Variants in PIK3C2G observed in about 807,000 individuals in gnomAD.
PIK3C2G encodes the protein phosphatidylinositol-4-phosphate 3-kinase catalytic subunit type 2 gamma.
Under a neutral mutation model 181.1 loss-of-function variants are expected in PIK3C2G, and 168 were observed. The observed-to-expected ratio is 0.93, with a 90% CI of 0.82 to 1.05. PIK3C2G has a LOEUF of 1.05. PIK3C2G is among the 50% of genes least tolerant of loss of function. PIK3C2G has a pLI of 0.00. For missense variants in PIK3C2G, 1,869 were observed against 1,732.8 expected, an observed-to-expected ratio of 1.08 and a Z score of -1.40; for synonymous variants, 573 against 592.2, an observed-to-expected ratio of 0.97 and a Z score of 0.47.
At chr12:18,440,405 C>T (rs1028775089) in intron 18 of PIK3C2G, among the ~76,000 whole-genome samples, 1 of 152,012 alleles carries the variant, frequency 6.6e-6, no homozygotes, top group African/African-American at 2.4e-5. Flanking sequence ...ACTTGTAAGG[C>T]ATTGATAAGT....
At chr12:18,295,334 C>T (rs1430073699) in intron 5 of PIK3C2G, among the ~76,000 whole-genome samples, 1 of 151,882 alleles carries the variant, frequency 6.6e-6, no homozygotes, top group Non-Finnish European at 1.5e-5. Flanking sequence ...ATATTGAATA[C>T]TCATTTAAAC....
intron 8 of PIK3C2G, among the ~76,000 whole-genome samples, chr12:18,330,989 T>C (rs1356818872): frequency 3.3e-5 from 5 of 152,224 alleles, no homozygotes; most frequent in Non-Finnish European, 5.9e-5. Context: ...GAAGTTTGCA[T>C]ACTATATTTT....
At chr12:18,500,843 C>A (rs1320757790) in intron 22 of PIK3C2G, among the ~76,000 whole-genome samples, 3 of 152,150 alleles carry the variant, frequency 2.0e-5, no homozygotes, top group African/African-American at 7.2e-5. Flanking sequence ...GCTGCTCACT[C>A]TTTGGGTCCA....
intron 24 of PIK3C2G, among the ~76,000 whole-genome samples, chr12:18,510,006 T>A (rs1278478834): frequency 1.3e-5 from 2 of 152,140 alleles, no homozygotes; most frequent in East Asian, 3.9e-4. Flanking sequence ...TCTCACTCTG[T>A]CACCAAGGCT....
At chr12:18,423,914 A>G (rs1168589073) in intron 17 of PIK3C2G, 31 bp from the exon 18 acceptor site, 1 of 1,385,638 alleles carries the variant, frequency 7.2e-7, no homozygotes, top group Admixed American at 1.8e-5. Flanking sequence ...TTTGTTACTG[A>G]GAAGTAAAGT....
intron 29 of PIK3C2G, among the ~76,000 whole-genome samples, chr12:18,581,030 C>T (rs1027486551): frequency 1.3e-5 from 2 of 152,172 alleles, no homozygotes; most frequent in Admixed American, 1.3e-4. Context: ...TACTTTAACT[C>T]TGTAGTCTTT....
chr12:18,420,062 A>G (rs1027977258), intron 16 of PIK3C2G, among the ~76,000 whole-genome samples: 2 of 152,190 alleles, frequency 1.3e-5, no homozygotes, highest in African/African-American at 4.8e-5. Context: ...ATAAATTACT[A>G]TAAGCAGTTC....
chr12:18,719,427 A>G, the PIK3C2G span: 1 of 1,434,380 alleles, frequency 7.0e-7, no homozygotes, highest in African/African-American at 1.5e-5. Flanking sequence ...AATAAAATAA[A>G]TACCTTACAT....
intron 24 of PIK3C2G, among the ~76,000 whole-genome samples, chr12:18,506,089 A>G (rs554138006): frequency 1.6e-4 from 24 of 152,344 alleles, no homozygotes; most frequent in African/African-American, 5.8e-4. Flanking sequence ...ACTATTTTAA[A>G]GAGGCATCTC....
At chr12:18,512,474 T>G (rs1942272670) in intron 24 of PIK3C2G, among the ~76,000 whole-genome samples, 1 of 152,030 alleles carries the variant, frequency 6.6e-6, no homozygotes, top group South Asian at 2.1e-4. Context: ...TTTTTCAGTT[T>G]CTTTCATCCG....
chr12:18,602,383 C>A (rs1166493881), intron 30 of PIK3C2G, among the ~76,000 whole-genome samples: 1 of 151,648 alleles, frequency 6.6e-6, no homozygotes, highest in East Asian at 1.9e-4. Context: ...AAGACCAGCC[C>A]AAGGAGAGTC....
At chr12:18,639,136 A>G (rs1391172705) in intron 31 of PIK3C2G, among the ~76,000 whole-genome samples, 1 of 152,018 alleles carries the variant, frequency 6.6e-6, no homozygotes, top group Non-Finnish European at 1.5e-5. Flanking sequence ...ATATTGACAA[A>G]TGAGGGTGTC....
intron 12 of PIK3C2G, among the ~76,000 whole-genome samples, chr12:18,369,418 T>C (rs1324237463): frequency 2.0e-5 from 3 of 152,080 alleles, no homozygotes; most frequent in Non-Finnish European, 2.9e-5. Context: ...CATATAATGA[T>C]CATATAATTG....
Position 18,294,001 on chromosome 12 carries a change from AG to A in PIK3C2G, c.1021del (p.Glu341AsnfsTer49). ...DHILSVCGSE[E>X]FLQNDHCLGS... ...ATATTCTAAGTGTATGTGGCTCTGAAGAATTTTTACAAAAGTAAGTATTTTA... is the reference window on the plus strand; with the variant it reads ...ATATTCTAAGTGTATGTGGCTCTGAAAATTTTTACAAAAGTAAGTATTTTA... On this transcript the variant is annotated frameshift_variant, in exon 5 of 33. Transcript: ENST00000538779. LOFTEE classifies it high-confidence loss of function. 2 of 1,539,382 alleles carry A rather than the reference AG, an allele frequency of 1.3e-6. No homozygotes were observed. Among genetic ancestry groups the A allele is most frequent in the South Asian group, 2.3e-5 (2 of 87,574 alleles).
At chr12:18,459,392 C>T (rs1265345365) in intron 18 of PIK3C2G, among the ~76,000 whole-genome samples, 1 of 152,150 alleles carries the variant, frequency 6.6e-6, no homozygotes, top group African/African-American at 2.4e-5. Flanking sequence ...AGTTAATAAA[C>T]TAGCCTATGT....
In PIK3C2G at chr12:18,370,021, T is replaced by C. The variant is rs1467879303; in HGVS notation, c.1749-1159T>C. Among the ~76,000 whole-genome samples, 5 of 149,436 alleles carry C rather than the reference T, an allele frequency of 3.3e-5. No individual in the cohort carries two copies. The East Asian group carries it at 1.0e-3, about 30-fold the overall frequency. On this transcript the variant is annotated intron_variant, in intron 12 of 32. Transcript: ENST00000538779. Reference sequence around the variant, plus strand: ...TTGACATATGATCATATAACGATCGTATAATTGACATATGATCATATAACG... The same window carrying C: ...TTGACATATGATCATATAACGATCGCATAATTGACATATGATCATATAACG...
intron 24 of PIK3C2G, among the ~76,000 whole-genome samples, chr12:18,519,317 G>C (rs566686064): frequency 6.6e-6 from 1 of 152,108 alleles, no homozygotes; most frequent in South Asian, 2.1e-4. Flanking sequence ...TTGACAGTGG[G>C]ATGTTAAAGT....
intron 16 of PIK3C2G, among the ~76,000 whole-genome samples, chr12:18,413,662 A>T (rs57189070): frequency 0.025 from 3,851 of 152,184 alleles, 137 homozygotes; most frequent in African/African-American, 0.083. Flanking sequence ...ACTTTGTTTA[A>T]GTCCCATACT....
chr12:18,622,647 G>A (rs1948912186), intron 31 of PIK3C2G, among the ~76,000 whole-genome samples: 1 of 151,812 alleles, frequency 6.6e-6, no homozygotes, highest in African/African-American at 2.4e-5. Context: ...TTTTAAAAAT[G>A]GTTGTACTAA....
Sources: allele counts gnomAD v4.1 joint callset (sites outside exome capture counted in the v4.1 genomes callset), GRCh38; gene constraint gnomAD v4.1.1; transcripts MANE v1.5; gene names NCBI Gene and HGNC (gene_info 2026-07-23, HGNC 2026-07-21).